The following CTNNA3 variants were observed in gnomAD, a reference collection of about 807,000 sequenced individuals.
CTNNA3 encodes the protein catenin alpha 3.
A neutral mutation model predicts 95.7 loss-of-function variants in CTNNA3; 76 were observed. The observed-to-expected ratio is 0.79, with a 90% CI of 0.66 to 0.96. CTNNA3 has a LOEUF of 0.96. CTNNA3 is among the 40% of genes least tolerant of loss of function. The pLI is 0.00. For synonymous variants in CTNNA3, 431 were observed against 374.4 expected (o/e 1.15, Z -1.74); for missense variants, 1,191 against 1,089.8 (o/e 1.09, Z -1.31).
At chr10:66,856,035 T>C (rs1843670913) in intron 7 of CTNNA3, among the ~76,000 whole-genome samples, 1 of 152,000 alleles carries the variant, frequency 6.6e-6, no homozygotes, top group Non-Finnish European at 1.5e-5. Context: ...GTCACCCAGA[T>C]AATAAGCATA....
At chr10:66,914,874 C>A (rs961930227) in intron 7 of CTNNA3, among the ~76,000 whole-genome samples, 1 of 151,938 alleles carries the variant, frequency 6.6e-6, no homozygotes, top group Admixed American at 6.6e-5. Context: ...ATTGCTTGAC[C>A]CAGTGGTATC....
intron 17 of CTNNA3, among the ~76,000 whole-genome samples, chr10:65,937,700 T>C (rs2077364903): frequency 6.6e-6 from 1 of 152,204 alleles, no homozygotes; most frequent in Non-Finnish European, 1.5e-5. Flanking sequence ...TGCCCTGATC[T>C]TCACTAGGAA....
chr10:66,896,719 C>A (rs973628138), intron 7 of CTNNA3, among the ~76,000 whole-genome samples: 2 of 152,182 alleles, frequency 1.3e-5, no homozygotes, highest in Admixed American at 6.5e-5. Flanking sequence ...TTTCTCTAGC[C>A]TCCTCTTGCT....
intron 12 of CTNNA3, among the ~76,000 whole-genome samples, chr10:66,327,984 T>G (rs2132307997): frequency 6.6e-6 from 1 of 152,212 alleles, no homozygotes; most frequent in African/African-American, 2.4e-5. Context: ...AGAAAATTAT[T>G]TCCCATGAGG....
At chr10:66,235,017 C>A (rs1171138637) in intron 13 of CTNNA3, among the ~76,000 whole-genome samples, 1 of 152,184 alleles carries the variant, frequency 6.6e-6, no homozygotes, top group Non-Finnish European at 1.5e-5. Context: ...CTGAGAAGAA[C>A]TGAATTCTGT....
intron 3 of CTNNA3, among the ~76,000 whole-genome samples, chr10:67,604,122 A>G (rs1426190838): frequency 1.3e-5 from 2 of 152,238 alleles, no homozygotes; most frequent in African/African-American, 4.8e-5. Context: ...GTTGTAGACT[A>G]TGCCATCTAA....
At chr10:67,478,954 G>A (rs1222636207) in intron 5 of CTNNA3, among the ~76,000 whole-genome samples, 1 of 151,378 alleles carries the variant, frequency 6.6e-6, no homozygotes, top group Non-Finnish European at 1.5e-5. Context: ...ACAAAAAAAC[G>A]GCGGGAGTTG....
chr10:67,735,136 CACACACACAA>C (rs751071363), intron 1 of CTNNA3, among the ~76,000 whole-genome samples: 2,142 of 121,438 alleles, frequency 0.018, 49 homozygotes, highest in African/African-American at 0.075. Context: ...AGCACACACA[CACACACACAA>C]ACACACACAC....
chr10:66,379,146 A>G lies in CTNNA3; in HGVS notation c.1732+6T>C. The G allele has an allele frequency of 6.2e-7, 1 of 1,606,204 alleles. No individual in the cohort carries two copies. Among genetic ancestry groups the G allele is most frequent in the Non-Finnish European group, 8.5e-7 (1 of 1,172,830 alleles). On this transcript the variant is annotated splice_donor_region_variant and intron_variant, in intron 12 of 17. Coordinates refer to ENST00000433211, the MANE Select transcript of CTNNA3 (RefSeq NM_013266.4). Reference sequence around the variant, plus strand: ...ATTGTGCAGCTGTTATTGGCAACTGACTTACCAGTACTTGTAAGGAAGTTA... The same window carrying G: ...ATTGTGCAGCTGTTATTGGCAACTGGCTTACCAGTACTTGTAAGGAAGTTA...
chr10:66,166,484 GT>G, intron 13 of CTNNA3, among the ~76,000 whole-genome samples: 2 of 131,226 alleles, frequency 1.5e-5, no homozygotes, highest in Non-Finnish European at 3.2e-5. Flanking sequence ...GGGGGACAGA[GT>G]GACAGTCTGT....
chr10:66,370,428 A>G (rs990972780), intron 12 of CTNNA3, among the ~76,000 whole-genome samples: 1 of 152,206 alleles, frequency 6.6e-6, no homozygotes, highest in Non-Finnish European at 1.5e-5. Context: ...TTTTAAAAAC[A>G]TACACTATGT....
chr10:66,926,879 T>A, intron 7 of CTNNA3: 4 of 1,509,428 alleles, frequency 2.7e-6, no homozygotes, highest in Non-Finnish European at 3.5e-6. Context: ...GGATTAATTC[T>A]TTTTTGGGGG....
intron 7 of CTNNA3, among the ~76,000 whole-genome samples, chr10:67,089,717 ATGTG>A (rs71006125): frequency 0.014 from 2,027 of 144,716 alleles, 39 homozygotes; most frequent in African/African-American, 0.04. Context: ...GTATATACAT[ATGTG>A]TGTGTGTGTG....
intron 5 of CTNNA3, among the ~76,000 whole-genome samples, chr10:67,452,041 G>T (rs902544310): frequency 7.0e-6 from 1 of 143,550 alleles, no homozygotes; most frequent in African/African-American, 2.7e-5. Context: ...AAGGGATGGA[G>T]GGAGGGAGGG....
At chr10:66,837,372 T>G (rs11591563) in intron 7 of CTNNA3, 41,060 of 151,978 alleles carry the variant, frequency 0.27, 6,666 homozygotes, top group Non-Finnish European at 0.38. Context: ...AACATGTCCA[T>G]GTATCGTTTA....
At chr10:66,951,164 G>A (rs1848520897) in intron 7 of CTNNA3, among the ~76,000 whole-genome samples, 1 of 151,134 alleles carries the variant, frequency 6.6e-6, no homozygotes, top group African/African-American at 2.4e-5. Flanking sequence ...GTCACCTGGA[G>A]TGCTGGAGTG....
chr10:66,868,918 A>G (rs1400348408), intron 7 of CTNNA3, among the ~76,000 whole-genome samples: 1 of 152,190 alleles, frequency 6.6e-6, no homozygotes, highest in Non-Finnish European at 1.5e-5. Context: ...AAATGCTAGA[A>G]GAAACAGAAA....
chr10:67,204,254 GGAGGT>G (rs1863785973), intron 6 of CTNNA3, among the ~76,000 whole-genome samples: 1 of 152,108 alleles, frequency 6.6e-6, no homozygotes, highest in African/African-American at 2.4e-5. Context: ...GGGCTTGGCG[GGAGGT>G]GATTAGATCA....
chr10:66,143,089 A>G (rs2083699026), intron 13 of CTNNA3, among the ~76,000 whole-genome samples: 2 of 152,080 alleles, frequency 1.3e-5, no homozygotes, highest in East Asian at 1.9e-4. Flanking sequence ...CTGGTCTCAT[A>G]TATTTCCTAA....
Sources: gnomAD v4.1 joint callset for allele counts (sites outside exome capture counted in the v4.1 genomes callset) on GRCh38, gnomAD v4.1.1 for gene constraint, MANE v1.5 for transcripts, NCBI Gene and HGNC (gene_info 2026-07-23, HGNC 2026-07-21) for gene names.